The following MAP7 variants were observed in gnomAD, a reference collection of about 807,000 sequenced individuals.
The protein encoded by MAP7 is ensconsin.
A neutral mutation model predicts 94.8 loss-of-function variants in MAP7; 52 were observed. That is an observed-to-expected ratio of 0.55 (90% CI 0.44 to 0.69). The LOEUF (loss-of-function observed/expected upper bound fraction) is 0.69, where lower values mean the gene tolerates loss of function less well. Ranked by LOEUF, MAP7 falls within the 30% of genes least tolerant of loss-of-function variation. The probability of loss-of-function intolerance (pLI) is 0.00; values close to 1 mark genes in which losing one functional copy is unlikely to be tolerated. For missense variants in MAP7, 940 were observed against 964.6 expected (o/e 0.97, Z 0.34); for synonymous variants, 350 against 357.0 (o/e 0.98, Z 0.22).
intron 1 of MAP7, among the ~76,000 whole-genome samples, chr6:136,530,149 T>G (rs566054927): frequency 6.6e-6 from 1 of 152,202 alleles, no homozygotes. Context: ...AAAATTTCCC[T>G]TTCTAAAAGC....
At chr6:136,400,021 A>C (rs1459730313) in intron 3 of MAP7, among the ~76,000 whole-genome samples, 1 of 152,230 alleles carries the variant, frequency 6.6e-6, no homozygotes, top group Non-Finnish European at 1.5e-5. Context: ...AAATTATTAA[A>C]GATAACCATG....
intron 1 of MAP7, among the ~76,000 whole-genome samples, chr6:136,471,320 T>C (rs1808897065): frequency 6.6e-6 from 1 of 152,186 alleles, no homozygotes; most frequent in African/African-American, 2.4e-5. Flanking sequence ...CTGCAGCACA[T>C]CACTTGCTCT....
At chr6:136,493,889 T>C (rs1238189232) in intron 1 of MAP7, among the ~76,000 whole-genome samples, 2 of 152,224 alleles carry the variant, frequency 1.3e-5, no homozygotes, top group Non-Finnish European at 2.9e-5. Context: ...GAAATCCAGC[T>C]GTAATGGGAG....
chr6:136,537,884 C>T (rs901079050), intron 1 of MAP7, among the ~76,000 whole-genome samples: 6 of 151,874 alleles, frequency 4.0e-5, no homozygotes, highest in Non-Finnish European at 5.9e-5. Flanking sequence ...TCTTTTCAAG[C>T]GATTCTCCTG....
chr6:136,525,914 A>G lies in MAP7; in HGVS notation c.67+24428T>C, dbSNP rs1452125812. ...ATAAACCAAGAGGAATTGGCCTTGC[A>G]TTGGTCTTCTTCAGTCTCTCATGTC... is the stretch of plus-strand genomic sequence containing the variant. On this transcript the variant is annotated intron_variant, in intron 1 of 17. Coordinates refer to ENST00000354570, the MANE Select transcript of MAP7 (RefSeq NM_003980.6). 7 of 1,533,946 alleles carry G rather than the reference A, an allele frequency of 4.6e-6. No individual in the cohort carries two copies. In the East Asian group the frequency reaches 7.3e-5, roughly 16 times the overall value.
intron 1 of MAP7, among the ~76,000 whole-genome samples, chr6:136,431,156 T>C (rs1794772648): frequency 6.6e-6 from 1 of 152,234 alleles, no homozygotes; most frequent in Non-Finnish European, 1.5e-5. Flanking sequence ...CCCTTTCCCA[T>C]GAAATCTTTT....
At chr6:136,360,859 G>T (rs1173025907) in intron 12 of MAP7, 61 bp from the exon 13 acceptor site, 12 of 1,590,106 alleles carry the variant, frequency 7.5e-6, no homozygotes, top group Non-Finnish European at 8.6e-6. Context: ...GGTCTCCCAG[G>T]GGGTGCCCAG....
intron 1 of MAP7, among the ~76,000 whole-genome samples, chr6:136,527,544 C>G (rs1168770675): frequency 1.3e-5 from 2 of 152,168 alleles, no homozygotes; most frequent in Non-Finnish European, 2.9e-5. Context: ...TCACTTAACT[C>G]TCTCAGTGCC....
At chr6:136,429,171 C>A (rs192282690) in intron 1 of MAP7, among the ~76,000 whole-genome samples, 5 of 152,158 alleles carry the variant, frequency 3.3e-5, no homozygotes, top group Non-Finnish European at 5.9e-5. Flanking sequence ...TCATGTTAAT[C>A]TAGGATGATT....
At chr6:136,360,675 C>T in intron 13 of MAP7, 22 bp downstream of exon 13, 1 of 1,609,890 alleles carries the variant, frequency 6.2e-7, no homozygotes. Flanking sequence ...CGTCCCGGGC[C>T]TCTCTACTAA....
chr6:136,546,837 T>A (rs749556607), intron 1 of MAP7, among the ~76,000 whole-genome samples: 1 of 152,226 alleles, frequency 6.6e-6, no homozygotes, highest in Non-Finnish European at 1.5e-5. Flanking sequence ...GAGGCAAAGA[T>A]GTTAGAATTT....
Position 136,391,555 on chromosome 6 carries a change from AAACAAC to A in MAP7, c.245-2044_245-2039del, listed in dbSNP as rs58864802. On this transcript the variant is annotated intron_variant, in intron 3 of 17. Transcript: ENST00000354570. Reference sequence around the variant, plus strand: ...ACCCTAAAACTTAGAGTATAATAAAAAACAACAACAACAACAACAACAACAACAACC... The same window carrying A: ...ACCCTAAAACTTAGAGTATAATAAAAAACAACAACAACAACAACAACAACC... 9.2e-3 allele frequency among the ~76,000 whole-genome samples: 1,380 copies of A among 149,746 alleles called. 58 individuals are homozygous for A. The East Asian group carries it at 0.14, about 15-fold the overall frequency.
chr6:136,542,021 T>C (rs1829364492), intron 1 of MAP7, among the ~76,000 whole-genome samples: 2 of 152,312 alleles, frequency 1.3e-5, no homozygotes, highest in African/African-American at 4.8e-5. Flanking sequence ...TTCGTGCCAC[T>C]GCACTCCAGC....
chr6:136,375,698 G>T (rs1775912344), intron 7 of MAP7, among the ~76,000 whole-genome samples: 1 of 152,118 alleles, frequency 6.6e-6, no homozygotes, highest in Admixed American at 6.5e-5. Context: ...CGATGAAACT[G>T]GTGACAATGA....
In MAP7 at chr6:136,547,108, G is replaced by A. The variant is rs567562757; in HGVS notation, c.67+3234C>T. Among the ~76,000 whole-genome samples, 3 of 152,320 alleles carry A rather than the reference G, an allele frequency of 2.0e-5. No individual in the cohort carries two copies. In the South Asian group the frequency reaches 6.2e-4, roughly 32 times the overall value. On this transcript the variant is annotated intron_variant, in intron 1 of 17. Coordinates refer to ENST00000354570, the MANE Select transcript of MAP7 (RefSeq NM_003980.6). ...CCTTATTTAATTGCAGATATTTAATGTGGACCCTTAGAGTTAAGTGACACC... is the reference window on the plus strand; with the variant it reads ...CCTTATTTAATTGCAGATATTTAATATGGACCCTTAGAGTTAAGTGACACC...
Position 136,361,087 on chromosome 6 carries a change from C to A in MAP7, c.1619G>T (p.Arg540Leu). The change falls in exon 12 of 18, where the codon CGG becomes CTG. Residue 540 changes from arginine (R) to leucine (L), a missense_variant. Arg to Leu is a moderately radical substitution (Grantham distance 102). Transcript: ENST00000354570. The part of the protein sequence containing the change: ...ESRRLEAEQA[R>L]EKEEQLQRQA... The stretch of plus-strand genomic sequence containing the variant: ...CCGCTGCAGCTGCTCCTCCTTCTCC[C>A]GGGCCTGCTCGGCTTCCAGCCTGCG... 1 of 1,603,924 alleles carries A rather than the reference C, an allele frequency of 6.2e-7. No individual in the cohort carries two copies. Among genetic ancestry groups the A allele is most frequent in the Non-Finnish European group, 8.5e-7 (1 of 1,179,408 alleles).
At chr6:136,475,666 C>G (rs1002257279) in intron 1 of MAP7, among the ~76,000 whole-genome samples, 1 of 152,090 alleles carries the variant, frequency 6.6e-6, no homozygotes, top group African/African-American at 2.4e-5. Context: ...ATTTTATTAT[C>G]AAAAATTATA....
At chr6:136,540,092 T>C (rs1829184099) in intron 1 of MAP7, among the ~76,000 whole-genome samples, 1 of 152,002 alleles carries the variant, frequency 6.6e-6, no homozygotes, top group Admixed American at 6.6e-5. Context: ...AAAATGCACA[T>C]TAAAAACCGC....
chr6:136,369,096 C>G (rs1246733329), intron 8 of MAP7, among the ~76,000 whole-genome samples: 1 of 152,224 alleles, frequency 6.6e-6, no homozygotes, highest in African/African-American at 2.4e-5. Flanking sequence ...ACACTTACTG[C>G]TTTAGCAGCC....
Sources: gnomAD v4.1 joint callset for allele counts (sites outside exome capture counted in the v4.1 genomes callset) on GRCh38, gnomAD v4.1.1 for gene constraint, MANE v1.5 for transcripts, NCBI Gene and HGNC (gene_info 2026-07-23, HGNC 2026-07-21) for gene names.